SCFD2: variants seen among roughly 807,000 people sequenced by gnomAD.
The protein encoded by SCFD2 is sec1 family domain-containing protein 2.
Under a neutral mutation model 58.9 loss-of-function variants are expected in SCFD2, and 54 were observed. The ratio of observed to expected loss-of-function variants is 0.92; its 90% CI spans 0.74 to 1.15. SCFD2 has a LOEUF of 1.15. SCFD2 is among the 50% of genes most tolerant of loss of function. The pLI is 0.00. For synonymous variants in SCFD2, 321 were observed against 335.9 expected, an observed-to-expected ratio of 0.96 and a Z score of 0.49; for missense variants, 805 against 836.6, an observed-to-expected ratio of 0.96 and a Z score of 0.47.
chr4:52,920,145 C>G (rs1214614940), intron 6 of SCFD2, among the ~76,000 whole-genome samples: 1 of 152,136 alleles, frequency 6.6e-6, no homozygotes, highest in Non-Finnish European at 1.5e-5. Context: ...TGTACTTTCC[C>G]CCTCTGAGTT....
intron 5 of SCFD2, among the ~76,000 whole-genome samples, chr4:53,138,332 C>G (rs1726004427): frequency 6.6e-6 from 1 of 152,184 alleles, no homozygotes; most frequent in African/African-American, 2.4e-5. Flanking sequence ...CATCCAAACA[C>G]TATGCTTTTT....
intron 6 of SCFD2, among the ~76,000 whole-genome samples, chr4:52,919,906 C>G (rs139999824): frequency 6.6e-6 from 1 of 152,150 alleles, no homozygotes; most frequent in African/African-American, 2.4e-5. Flanking sequence ...CTCCAAAAAG[C>G]CTTAACAAAT....
intron 2 of SCFD2, among the ~76,000 whole-genome samples, chr4:53,335,566 G>C (rs573053903): frequency 7.9e-4 from 120 of 152,268 alleles, no homozygotes; most frequent in African/African-American, 2.7e-3. Flanking sequence ...TTATGACTAT[G>C]TTGGAAAATA....
At chr4:53,225,712 G>A (rs1009576776) in intron 4 of SCFD2, among the ~76,000 whole-genome samples, 6 of 152,196 alleles carry the variant, frequency 3.9e-5, no homozygotes, top group African/African-American at 1.4e-4. Context: ...GTTTGCAAAT[G>A]AGGAAACTGT....
chr4:52,974,065 A>T (rs1577872027), intron 5 of SCFD2, among the ~76,000 whole-genome samples: 1 of 152,226 alleles, frequency 6.6e-6, no homozygotes, highest in East Asian at 1.9e-4. Flanking sequence ...CCAATATCAT[A>T]CTGAATAGGC....
chr4:53,066,428 G>C, intron 5 of SCFD2, among the ~76,000 whole-genome samples: 1 of 152,066 alleles, frequency 6.6e-6, no homozygotes, highest in East Asian at 1.9e-4. Flanking sequence ...AACAGTCAAT[G>C]TATGTGCTCT....
chr4:53,028,203 C>T (rs879853834), intron 5 of SCFD2, among the ~76,000 whole-genome samples: 84 of 150,184 alleles, frequency 5.6e-4, no homozygotes, highest in Non-Finnish European at 8.3e-4. Flanking sequence ...GCAGAGATTG[C>T]GCCACTGTAC....
chr4:52,961,157 C>G (rs1175343575), intron 5 of SCFD2, among the ~76,000 whole-genome samples: 1 of 152,148 alleles, frequency 6.6e-6, no homozygotes, highest in Admixed American at 6.5e-5. Flanking sequence ...CCTTGCTCAC[C>G]AAAGCACTCT....
chr4:53,121,980 T>TCATCA (rs1228725795), intron 5 of SCFD2, among the ~76,000 whole-genome samples: 1 of 152,146 alleles, frequency 6.6e-6, no homozygotes, highest in Non-Finnish European at 1.5e-5. Context: ...TCAGCTGCCA[T>TCATCA]CATCACATCA....
At chr4:53,095,080 C>T (rs887452765) in intron 5 of SCFD2, among the ~76,000 whole-genome samples, 4 of 152,128 alleles carry the variant, frequency 2.6e-5, no homozygotes, top group African/African-American at 9.7e-5. Context: ...CTTTCTTCTT[C>T]CCCTCTATTG....
chr4:53,017,438 A>G (rs1305694979), intron 5 of SCFD2, among the ~76,000 whole-genome samples: 1 of 152,268 alleles, frequency 6.6e-6, no homozygotes, highest in Non-Finnish European at 1.5e-5. Context: ...TATCTGTAGT[A>G]AAGATGACAG....
intron 5 of SCFD2, among the ~76,000 whole-genome samples, chr4:53,113,625 T>A (rs1725233851): frequency 2.0e-5 from 3 of 152,088 alleles, no homozygotes; most frequent in Admixed American, 2.0e-4. Context: ...TGCAATCACA[T>A]AGGTATATGT....
At chr4:53,233,425 C>T (rs774683410) in intron 4 of SCFD2, among the ~76,000 whole-genome samples, 4 of 152,164 alleles carry the variant, frequency 2.6e-5, no homozygotes, top group Non-Finnish European at 5.9e-5. Context: ...CAGTCACTGG[C>T]ATAAGGTGTG....
intron 8 of SCFD2, among the ~76,000 whole-genome samples, chr4:52,875,766 C>T (rs1431778903): frequency 8.1e-6 from 1 of 123,372 alleles, no homozygotes; most frequent in African/African-American, 3.0e-5. Context: ...TCTTTGGAAG[C>T]ATCTATGTTA....
At chr4:53,110,209 ATCCCT>A (rs1477031825) in intron 5 of SCFD2, among the ~76,000 whole-genome samples, 1 of 152,192 alleles carries the variant, frequency 6.6e-6, no homozygotes, top group African/African-American at 2.4e-5. Flanking sequence ...CTGAAACTGG[ATCCCT>A]TCCTTACACC....
chr4:53,087,718 G>A (rs1263938723), intron 5 of SCFD2, among the ~76,000 whole-genome samples: 2 of 142,752 alleles, frequency 1.4e-5, no homozygotes, highest in East Asian at 2.1e-4. Flanking sequence ...GGAGTACAAT[G>A]GCATGATCTC....
chr4:53,143,449 G>A (rs1726227167), intron 5 of SCFD2, among the ~76,000 whole-genome samples: 1 of 152,156 alleles, frequency 6.6e-6, no homozygotes, highest in African/African-American at 2.4e-5. Flanking sequence ...CACATATAGT[G>A]TTATACTTAA....
At chr4:53,199,065 C>G (rs1186104788) in intron 4 of SCFD2, among the ~76,000 whole-genome samples, 3 of 152,036 alleles carry the variant, frequency 2.0e-5, no homozygotes, top group African/African-American at 4.8e-5. Flanking sequence ...TAGTTTCTCA[C>G]CAACCAAAAT....
chr4:53,238,338 G>C lies in SCFD2; in HGVS notation c.1311+35488C>G, dbSNP rs1189641531. On this transcript the variant is annotated intron_variant, in intron 4 of 8. Coordinates refer to ENST00000401642, the MANE Select transcript of SCFD2 (RefSeq NM_152540.4). ...CCCCACCTCCCTCCTGGACGGGGCGGCTGGCCGGGCGGGGGCTGATGCCCC... is the reference window on the plus strand; with the variant it reads ...CCCCACCTCCCTCCTGGACGGGGCGCCTGGCCGGGCGGGGGCTGATGCCCC... Among the ~76,000 whole-genome samples, 3 of 3,302 alleles carry C rather than the reference G, an allele frequency of 9.1e-4. 1 individual carries two copies. The highest frequency in any genetic ancestry group is 4.4e-3 in the African/African-American group (3 of 678). The allele number at this position is 3,302 out of a possible 152,430, so 2.2% of individuals were successfully genotyped here. A position where few individuals can be genotyped will look rare whatever the true frequency, so the allele number is the denominator to read the frequency against.
Sources: gnomAD v4.1 joint callset for allele counts (sites outside exome capture counted in the v4.1 genomes callset) on GRCh38, gnomAD v4.1.1 for gene constraint, MANE v1.5 for transcripts, NCBI Gene and HGNC (gene_info 2026-07-23, HGNC 2026-07-21) for gene names.